CLDN10: variants seen among roughly 807,000 people sequenced by gnomAD.
CLDN10 encodes claudin-10.
A neutral mutation model predicts 22.9 loss-of-function variants in CLDN10; 15 were observed. That is an observed-to-expected ratio of 0.65 (90% CI 0.44 to 1.01). The LOEUF is 1.01. Among genes scored for constraint, CLDN10 ranks in the 50% least tolerant of loss-of-function variants. The probability of loss-of-function intolerance (pLI) is 0.00; values close to 1 mark genes in which losing one functional copy is unlikely to be tolerated. For synonymous variants in CLDN10, 114 were observed against 111.4 expected (o/e 1.02, Z -0.15); for missense variants, 247 against 287.8 (o/e 0.86, Z 1.03).
chr13:95,554,131 T>C (rs1343308574), intron 1 of CLDN10, among the ~76,000 whole-genome samples: 1 of 152,186 alleles, frequency 6.6e-6, no homozygotes, highest in Non-Finnish European at 1.5e-5. Flanking sequence ...AATACGCATC[T>C]AGTTTTAGAA....
intron 1 of CLDN10, among the ~76,000 whole-genome samples, chr13:95,452,721 G>C (rs760507959): frequency 8.5e-5 from 13 of 152,284 alleles, no homozygotes; most frequent in Non-Finnish European, 1.5e-4. Flanking sequence ...AGATAGCCTG[G>C]TACCATTTGG....
intron 1 of CLDN10, among the ~76,000 whole-genome samples, chr13:95,440,215 A>G (rs1413307336): frequency 6.6e-6 from 1 of 152,144 alleles, no homozygotes; most frequent in African/African-American, 2.4e-5. Flanking sequence ...CCTGGCCAAT[A>G]TTAATACTTT....
chr13:95,464,981 C>T (rs968362540), intron 1 of CLDN10, among the ~76,000 whole-genome samples: 28 of 152,296 alleles, frequency 1.8e-4, no homozygotes, highest in African/African-American at 6.0e-4. Flanking sequence ...CCTACCTTGG[C>T]CTCCCAAAGT....
chr13:95,504,743 G>A (rs2043021086), intron 1 of CLDN10, among the ~76,000 whole-genome samples: 1 of 151,654 alleles, frequency 6.6e-6, no homozygotes, highest in Admixed American at 6.6e-5. Flanking sequence ...TCACTATGTT[G>A]CCCGGGATGG....
At chr13:95,435,951 C>T (rs1044670630) in intron 1 of CLDN10, among the ~76,000 whole-genome samples, 2 of 149,968 alleles carry the variant, frequency 1.3e-5, no homozygotes, top group Admixed American at 6.6e-5. Flanking sequence ...CCACCTTGCC[C>T]GGCCTCATCT....
chr13:95,524,950 C>A lies in CLDN10; in HGVS notation c.215-35182C>A, dbSNP rs574955961. 4.6e-5 allele frequency among the ~76,000 whole-genome samples: 7 copies of A among 152,066 alleles called. No homozygotes were observed. In the South Asian group the frequency reaches 8.3e-4, roughly 18 times the overall value. ...TCTCGGCTCAACACAACCTCCACCCCCCGGGTTCAAGCAATTCTCCTGCCT... is the reference window on the plus strand; with the variant it reads ...TCTCGGCTCAACACAACCTCCACCCACCGGGTTCAAGCAATTCTCCTGCCT... On this transcript the variant is annotated intron_variant, in intron 1 of 4. Transcript: ENST00000376873.
chr13:95,457,583 G>A (rs1027749693), intron 1 of CLDN10, among the ~76,000 whole-genome samples: 4 of 152,106 alleles, frequency 2.6e-5, no homozygotes, highest in Non-Finnish European at 5.9e-5. Context: ...TCCTACTCGA[G>A]TTTCAGATAC....
intron 3 of CLDN10, among the ~76,000 whole-genome samples, chr13:95,569,902 G>A (rs1476683092): frequency 6.6e-6 from 1 of 152,038 alleles, no homozygotes; most frequent in African/African-American, 2.4e-5. Context: ...CCAAGTAGCT[G>A]GGACTACAGG....
intron 1 of CLDN10, among the ~76,000 whole-genome samples, chr13:95,517,760 A>G (rs1400337482): frequency 1.3e-5 from 2 of 151,888 alleles, no homozygotes. Flanking sequence ...ACATGGTGAA[A>G]CCCCATCTAC....
chr13:95,565,776 GC>G (rs1594617517), intron 3 of CLDN10, among the ~76,000 whole-genome samples: 1 of 59,300 alleles, frequency 1.7e-5, no homozygotes. Context: ...CCCTCCCCCA[GC>G]CCCCCACCCC....
intron 1 of CLDN10, among the ~76,000 whole-genome samples, chr13:95,438,626 C>A (rs1410005736): frequency 6.6e-6 from 1 of 152,206 alleles, no homozygotes; most frequent in Non-Finnish European, 1.5e-5. Flanking sequence ...GCCTTCTCTC[C>A]TCACTTTCCA....
chr13:95,444,577 A>C (rs2042354314), intron 1 of CLDN10, among the ~76,000 whole-genome samples: 1 of 152,188 alleles, frequency 6.6e-6, no homozygotes, highest in African/African-American at 2.4e-5. Flanking sequence ...GGGGACACTG[A>C]CTTCTCAAAG....
intron 1 of CLDN10, among the ~76,000 whole-genome samples, chr13:95,485,776 A>G (rs1394925332): frequency 6.6e-6 from 1 of 152,226 alleles, no homozygotes; most frequent in African/African-American, 2.4e-5. Flanking sequence ...AGGCCAACTC[A>G]AATGTAACCT....
intron 1 of CLDN10, among the ~76,000 whole-genome samples, chr13:95,521,210 A>G (rs1297111348): frequency 6.6e-6 from 1 of 152,224 alleles, no homozygotes; most frequent in Non-Finnish European, 1.5e-5. Flanking sequence ...GCTAGGCCAC[A>G]GTACAATTTG....
intron 1 of CLDN10, among the ~76,000 whole-genome samples, chr13:95,490,296 G>A (rs1408821883): frequency 6.6e-6 from 1 of 152,134 alleles, no homozygotes; most frequent in African/African-American, 2.4e-5. Flanking sequence ...TGAATTTGTA[G>A]ATTGCTTTTG....
intron 1 of CLDN10, among the ~76,000 whole-genome samples, chr13:95,559,737 G>T (rs1030549671): frequency 9.9e-5 from 15 of 152,128 alleles, no homozygotes; most frequent in African/African-American, 3.6e-4. Flanking sequence ...GGCAGATGAT[G>T]TTTTTTCACA....
chr13:95,505,882 G>A (rs1385211810), intron 1 of CLDN10, among the ~76,000 whole-genome samples: 1 of 150,212 alleles, frequency 6.7e-6, no homozygotes, highest in African/African-American at 2.5e-5. Context: ...AGCCTCCCAA[G>A]TATCTGGGAT....
At chr13:95,452,385 C>G (rs2042440030) in intron 1 of CLDN10, among the ~76,000 whole-genome samples, 1 of 152,130 alleles carries the variant, frequency 6.6e-6, no homozygotes, top group Non-Finnish European at 1.5e-5. Flanking sequence ...TAAAAAGGCT[C>G]TGATTATTTG....
At chr13:95,474,971 G>A (rs567068088) in intron 1 of CLDN10, among the ~76,000 whole-genome samples, 38 of 152,302 alleles carry the variant, frequency 2.5e-4, no homozygotes, top group African/African-American at 7.0e-4. Context: ...GCCAGTATAC[G>A]TCTCACATCT....
Sources: allele counts gnomAD v4.1 joint callset (sites outside exome capture counted in the v4.1 genomes callset), GRCh38; gene constraint gnomAD v4.1.1; transcripts MANE v1.5; gene names NCBI Gene and HGNC (gene_info 2026-07-23, HGNC 2026-07-21).